Variants in ZNF831 observed in about 807,000 individuals in gnomAD.
The protein encoded by ZNF831 is chromosome 20 open reading frame 174.
In ZNF831, 59 loss-of-function variants were observed where a neutral mutation model predicts 95.8. The observed-to-expected ratio is 0.62, with a 90% CI of 0.50 to 0.77. ZNF831 has a LOEUF of 0.77. ZNF831 is among the 30% of genes least tolerant of loss of function. ZNF831 has a pLI of 0.00. For missense variants in ZNF831, 2,205 were observed against 2,164.0 expected (o/e 1.02, Z -0.38); for synonymous variants, 961 against 925.5 (o/e 1.04, Z -0.70).
intron 3 of ZNF831, among the ~76,000 whole-genome samples, chr20:59,205,427 A>C (rs573810101): frequency 1.1e-4 from 17 of 152,288 alleles, no homozygotes; most frequent in Non-Finnish European, 2.2e-4. Flanking sequence ...CAGCCGGGGA[A>C]TGACAGCTCC....
At chr20:59,246,120 A>C (rs1272696728) in intron 4 of ZNF831, among the ~76,000 whole-genome samples, 3 of 152,148 alleles carry the variant, frequency 2.0e-5, no homozygotes, top group Non-Finnish European at 4.4e-5. Flanking sequence ...TTGCGCTCAC[A>C]TAATCCTCCT....
chr20:59,143,808 A>G (rs1201528785), intron 1 of ZNF831, among the ~76,000 whole-genome samples: 1 of 152,242 alleles, frequency 6.6e-6, no homozygotes, highest in African/African-American at 2.4e-5. Flanking sequence ...AGTCTGGCCA[A>G]GGATTTCTTT....
chr20:59,256,308 A>G lies in ZNF831; in HGVS notation c.*1565A>G, dbSNP rs1354251545. 6.6e-6 allele frequency: 1 copy of G among 152,232 alleles called. No homozygotes were observed. Among genetic ancestry groups the G allele is most frequent in the South Asian group, 2.1e-4 (1 of 4,828 alleles). 9.4% of individuals were successfully genotyped at this position (152,232 alleles called of 1,614,324 possible). A position where few individuals can be genotyped will look rare whatever the true frequency, so the allele number is the denominator to read the frequency against. ...CTTAGCATATATTTGTGACCATTTCATATGCACTCATAAATATCCAAGGAT... is the reference window on the plus strand; with the variant it reads ...CTTAGCATATATTTGTGACCATTTCGTATGCACTCATAAATATCCAAGGAT... On this transcript the variant is annotated 3_prime_UTR_variant, in exon 6 of 6. Transcript: ENST00000371030.
chr20:59,139,200 T>C (rs190689935), intron 1 of ZNF831, among the ~76,000 whole-genome samples: 1 of 152,228 alleles, frequency 6.6e-6, no homozygotes, highest in African/African-American at 2.4e-5. Flanking sequence ...TCCAACTTGC[T>C]GGGTATAACA....
At chr20:59,157,210 C>T (rs981959909) in intron 2 of ZNF831, among the ~76,000 whole-genome samples, 1 of 152,178 alleles carries the variant, frequency 6.6e-6, no homozygotes, top group Non-Finnish European at 1.5e-5. Context: ...CCCCACTTTC[C>T]CGCCCACTCC....
intron 3 of ZNF831, among the ~76,000 whole-genome samples, chr20:59,200,360 T>C (rs1984439128): frequency 1.3e-5 from 2 of 152,200 alleles, no homozygotes; most frequent in Non-Finnish European, 2.9e-5. Flanking sequence ...TCATGTCTTT[T>C]AATACTTTTA....
intron 1 of ZNF831, among the ~76,000 whole-genome samples, chr20:59,176,898 C>T (rs754437964): frequency 7.9e-5 from 12 of 152,240 alleles, no homozygotes; most frequent in Non-Finnish European, 1.5e-4. Flanking sequence ...TGTTGATAGC[C>T]TGCTAGGCAA....
At chr20:59,139,336 C>T (rs1979604871) in intron 1 of ZNF831, among the ~76,000 whole-genome samples, 1 of 152,076 alleles carries the variant, frequency 6.6e-6, no homozygotes, top group Admixed American at 6.5e-5. Context: ...TACTGTATTT[C>T]ATTATCTCTG....
At chr20:59,238,647 G>A (rs540108693) in intron 4 of ZNF831, among the ~76,000 whole-genome samples, 1 of 152,178 alleles carries the variant, frequency 6.6e-6, no homozygotes, top group East Asian at 1.9e-4. Flanking sequence ...TTTGAGATTC[G>A]TGAGGGAGAC....
intron 1 of ZNF831, among the ~76,000 whole-genome samples, chr20:59,125,552 C>T (rs756149333): frequency 1.1e-4 from 16 of 152,098 alleles, no homozygotes; most frequent in Non-Finnish European, 2.1e-4. Flanking sequence ...TTTTGTCCAA[C>T]GTGTTCTGTG....
At chr20:59,203,809 A>G (rs1056544772) in intron 3 of ZNF831, among the ~76,000 whole-genome samples, 2 of 152,242 alleles carry the variant, frequency 1.3e-5, no homozygotes, top group Admixed American at 1.3e-4. Flanking sequence ...AAAATGCAGG[A>G]TCCACTTCCA....
intron 1 of ZNF831, among the ~76,000 whole-genome samples, chr20:59,132,609 G>T (rs1404652553): frequency 1.3e-5 from 2 of 152,054 alleles, no homozygotes; most frequent in Non-Finnish European, 2.9e-5. Context: ...CTCTTCATAG[G>T]CTCCTTGGAC....
intron 1 of ZNF831, among the ~76,000 whole-genome samples, chr20:59,137,605 T>G (rs1033808973): frequency 2.0e-5 from 3 of 152,230 alleles, no homozygotes; most frequent in African/African-American, 7.2e-5. Context: ...TTGTGTGGAA[T>G]GGAAGTTGCA....
At chr20:59,149,887 G>A (rs954422149) in intron 2 of ZNF831, among the ~76,000 whole-genome samples, 11 of 152,244 alleles carry the variant, frequency 7.2e-5, no homozygotes, top group African/African-American at 1.9e-4. Flanking sequence ...GGGGGCTGTC[G>A]TCCCACACAG....
At chr20:59,145,160 G>C (rs1262514652) in intron 1 of ZNF831, among the ~76,000 whole-genome samples, 1 of 152,164 alleles carries the variant, frequency 6.6e-6, no homozygotes, top group East Asian at 1.9e-4. Context: ...ATTCCCAGCT[G>C]ATAGTGTCCT....
rs571326992 is a variant in ZNF831 at position 59,206,979 on chromosome 20, G to A, written c.3950G>A (p.Arg1317Lys). Residue 1317 changes from arginine (R) to lysine (K), a missense_variant, in exon 4 of 6, where the codon AGA (arginine) becomes AAA (lysine). Transcript: ENST00000371030. The part of the protein sequence containing the change: ...SRLRTPTWVR[R>K]RSRHPPALEG... ...CTTCGCACACCAACCTGGGTGCGAA[G>A]AAGAAGCCGCCACCCTCCCGCACTT... 6.2e-7 allele frequency: 1 copy of A among 1,614,216 alleles called. No homozygotes were observed. The highest frequency in any genetic ancestry group is 1.3e-5 in the African/African-American group (1 of 75,058).
At chr20:59,166,699 C>A (rs191288528) in intron 1 of ZNF831, among the ~76,000 whole-genome samples, 1 of 152,266 alleles carries the variant, frequency 6.6e-6, no homozygotes, top group East Asian at 1.9e-4. Flanking sequence ...CCTTTGGGGA[C>A]TGACTTTTTT....
Position 59,206,939 on chromosome 20 carries a change from C to T in ZNF831, c.3910C>T (p.Leu1304=), listed in dbSNP as rs1481649747. The T allele has an allele frequency of 1.9e-6, 3 of 1,614,188 alleles. No homozygotes were observed. The highest frequency in any genetic ancestry group is 8.5e-7 in the Non-Finnish European group (1 of 1,180,030). The part of the protein sequence containing the change: ...KGNFLQSCVQ[L]RASRLRTPTW... ...GAATTTCTTGCAGAGCTGTGTTCAG[C>T]TGAGAGCCAGTAGACTTCGCACACC... The change falls in exon 4 of 6, where the codon CTG becomes TTG. Residue 1304 remains leucine, a synonymous_variant. Transcript: ENST00000371030.
chr20:59,211,779 T>TTGTGTGTGTGTGTG lies in ZNF831; in HGVS notation c.4027+4739_4027+4752dup, dbSNP rs11472424. Among the ~76,000 whole-genome samples the TTGTGTGTGTGTGTG allele has an allele frequency of 4.1e-3, 599 of 146,776 alleles. 3 individuals are homozygous for TTGTGTGTGTGTGTG. The highest frequency in any genetic ancestry group is 0.014 in the African/African-American group (562 of 39,866). ...TGCGTCCTCGGTGAGGGAGCTGACC[T>TTGTGTGTGTGTGTG]TGTGTGTGTGTGTGTGTGTGTGTGT... On this transcript the variant is annotated intron_variant, in intron 4 of 5. Transcript: ENST00000371030.
Sources: allele counts gnomAD v4.1 joint callset (sites outside exome capture counted in the v4.1 genomes callset), GRCh38; gene constraint gnomAD v4.1.1; transcripts MANE v1.5; gene names NCBI Gene and HGNC (gene_info 2026-07-23, HGNC 2026-07-21).